NYAP2: variants seen among roughly 807,000 people sequenced by gnomAD.
The protein encoded by NYAP2 is neuronal tyrosine-phosphorylated phosphoinositide-3-kinase adapter 2.
Under a neutral mutation model 50.4 loss-of-function variants are expected in NYAP2, and 23 were observed. That is an observed-to-expected ratio of 0.46 (90% CI 0.33 to 0.65). The LOEUF is 0.65. Ranked by LOEUF, NYAP2 falls within the 30% of genes least tolerant of loss-of-function variation. The pLI is 0.02. For missense variants in NYAP2, 885 were observed against 861.0 expected (o/e 1.03, Z -0.35); for synonymous variants, 394 against 365.2 (o/e 1.08, Z -0.90).
intron 5 of NYAP2, among the ~76,000 whole-genome samples, chr2:225,596,112 G>T: frequency 6.6e-6 from 1 of 152,108 alleles, no homozygotes. Context: ...GTGCACTACA[G>T]CCTCCAACTT....
At chr2:225,536,481 T>TGG (rs913594924) in intron 4 of NYAP2, among the ~76,000 whole-genome samples, 1 of 152,012 alleles carries the variant, frequency 6.6e-6, no homozygotes, top group African/African-American at 2.4e-5. Flanking sequence ...AATGTGCTGA[T>TGG]GGGGTCCTTT....
the NYAP2 span, among the ~76,000 whole-genome samples, chr2:225,672,214 C>T: frequency 6.6e-6 from 1 of 152,158 alleles, no homozygotes; most frequent in African/African-American, 2.4e-5. Context: ...GTTTCTTCTA[C>T]ATCAAAAGTC....
chr2:225,589,687 C>G (rs1410489412), intron 5 of NYAP2, among the ~76,000 whole-genome samples: 2 of 151,200 alleles, frequency 1.3e-5, no homozygotes, highest in African/African-American at 4.9e-5. Flanking sequence ...AGAGCAAGAC[C>G]CTGTCTTAAA....
At chr2:225,535,676 T>C (rs1691335692) in intron 4 of NYAP2, among the ~76,000 whole-genome samples, 1 of 152,132 alleles carries the variant, frequency 6.6e-6, no homozygotes, top group Non-Finnish European at 1.5e-5. Flanking sequence ...TGATCCCTAT[T>C]GAGTATAGAC....
the NYAP2 span, among the ~76,000 whole-genome samples, chr2:225,673,192 C>T: frequency 1.3e-5 from 2 of 152,036 alleles, no homozygotes; most frequent in Non-Finnish European, 2.9e-5. Flanking sequence ...GGCTTACTTA[C>T]TATCATGAGA....
intron 3 of NYAP2, among the ~76,000 whole-genome samples, chr2:225,443,600 C>A (rs1285007588): frequency 6.6e-6 from 1 of 151,388 alleles, no homozygotes; most frequent in Admixed American, 6.6e-5. Context: ...AAGACTCTGT[C>A]TAAAATAAAA....
chr2:225,506,383 AAAGTCAAAG>A (rs761543106), intron 3 of NYAP2, among the ~76,000 whole-genome samples: 12 of 152,212 alleles, frequency 7.9e-5, no homozygotes, highest in Non-Finnish European at 1.5e-4. Flanking sequence ...ACACCTGCCA[AAAGTCAAAG>A]CAGATGTAAC....
rs555728656 is a variant in NYAP2 at position 225,485,222 on chromosome 2, T to C, written c.222-28149T>C. Reference sequence around the variant, plus strand: ...TGAGAGTTCCCCTGCACAAGCTCTTTTGCCTGCCACCATGTAAGACATGAC... The same window carrying C: ...TGAGAGTTCCCCTGCACAAGCTCTTCTGCCTGCCACCATGTAAGACATGAC... On this transcript the variant is annotated intron_variant, in intron 3 of 6. Coordinates refer to ENST00000636099, the Ensembl canonical transcript of NYAP2. Among the ~76,000 whole-genome samples, 31 of 152,318 alleles carry C rather than the reference T, an allele frequency of 2.0e-4. No homozygotes were observed. In the South Asian group the frequency reaches 6.2e-3, roughly 31 times the overall value.
chr2:225,583,041 T>C lies in NYAP2; in HGVS notation c.1618+6T>C. On this transcript the variant is annotated splice_donor_region_variant and intron_variant, in intron 5 of 6. Transcript: ENST00000636099. ...CTCCAAAGAGCCTGCAGAGAGTAAG[T>C]GTGCAGGGCCTGCCTGAGCCCCAGA... The C allele has an allele frequency of 1.2e-6, 2 of 1,608,460 alleles. No individual in the cohort carries two copies. Among genetic ancestry groups the C allele is most frequent in the Non-Finnish European group, 1.7e-6 (2 of 1,177,846 alleles).
At chr2:225,579,804 G>A (rs1407685140) in intron 4 of NYAP2, among the ~76,000 whole-genome samples, 3 of 152,196 alleles carry the variant, frequency 2.0e-5, no homozygotes, top group African/African-American at 7.2e-5. Flanking sequence ...TTCTTACCCT[G>A]TTATTTCTCT....
chr2:225,415,642 T>A (rs1453711662), intron 3 of NYAP2, among the ~76,000 whole-genome samples: 2 of 152,164 alleles, frequency 1.3e-5, no homozygotes, highest in Non-Finnish European at 2.9e-5. Flanking sequence ...TTGTCACGAA[T>A]AGCTAATATT....
At chr2:225,553,338 C>T (rs1294982579) in intron 4 of NYAP2, among the ~76,000 whole-genome samples, 2 of 152,222 alleles carry the variant, frequency 1.3e-5, no homozygotes, top group African/African-American at 4.8e-5. Context: ...GCCTCTTCCT[C>T]CTCTAACAGG....
the NYAP2 span, among the ~76,000 whole-genome samples, chr2:225,668,202 G>T: frequency 6.6e-6 from 1 of 152,088 alleles, no homozygotes; most frequent in Non-Finnish European, 1.5e-5. Flanking sequence ...AGTCCAGAAC[G>T]ATTTTGCTTT....
intron 4 of NYAP2, among the ~76,000 whole-genome samples, chr2:225,546,261 C>T (rs1329807366): frequency 1.3e-5 from 2 of 152,194 alleles, no homozygotes; most frequent in Non-Finnish European, 2.9e-5. Context: ...TTGCGTCCTT[C>T]CCTTCAGGGC....
rs552493582 is a variant in NYAP2, at chr2:225,621,706, T to A, written c.1619-5211T>A. 4.3e-3 allele frequency among the ~76,000 whole-genome samples: 649 copies of A among 152,202 alleles called. 2 individuals carry two copies. Among genetic ancestry groups the A allele is most frequent in the Admixed American group, 7.1e-3 (109 of 15,292 alleles). ...TTGTGGTATATTTTAATACAGTTTT[T>A]TTTTATTTTTTTTTTAATTATACTT... On this transcript the variant is annotated intron_variant, in intron 5 of 6. Coordinates refer to ENST00000636099, the Ensembl canonical transcript of NYAP2.
At chr2:225,443,103 T>A (rs1206904940) in intron 3 of NYAP2, among the ~76,000 whole-genome samples, 3 of 152,158 alleles carry the variant, frequency 2.0e-5, no homozygotes, top group African/African-American at 7.2e-5. Context: ...TTCCACTGGG[T>A]GCCTCCCATG....
At chr2:225,619,863 T>C (rs1472868644) in intron 5 of NYAP2, among the ~76,000 whole-genome samples, 1 of 151,200 alleles carries the variant, frequency 6.6e-6, no homozygotes, top group Non-Finnish European at 1.5e-5. Context: ...CAGTCTGAAA[T>C]ACAAATATAA....
chr2:225,586,491 CAG>C (rs780596916), intron 5 of NYAP2, among the ~76,000 whole-genome samples: 2 of 151,944 alleles, frequency 1.3e-5, no homozygotes, highest in Non-Finnish European at 2.9e-5. Context: ...AAATTTTGTG[CAG>C]AGAGGTGAAT....
intron 5 of NYAP2, among the ~76,000 whole-genome samples, chr2:225,598,288 T>C (rs1375598516): frequency 6.6e-6 from 1 of 152,062 alleles, no homozygotes; most frequent in Non-Finnish European, 1.5e-5. Flanking sequence ...GGGTTGTTGA[T>C]ATATTTTTCA....
Sources: allele counts gnomAD v4.1 joint callset (sites outside exome capture counted in the v4.1 genomes callset), GRCh38; gene constraint gnomAD v4.1.1; transcripts MANE v1.5; gene names NCBI Gene and HGNC (gene_info 2026-07-23, HGNC 2026-07-21).